EMP2: variants seen among roughly 807,000 people sequenced by gnomAD.
EMP2 encodes the protein epithelial membrane protein 2.
EMP2 carries 19 observed loss-of-function variants against 13.7 expected under a neutral mutation model. The ratio of observed to expected loss-of-function variants is 1.38; its 90% CI spans 0.97 to 2.03. EMP2 has a LOEUF of 2.03. EMP2 is among the 30% of genes most tolerant of loss of function. EMP2 has a pLI of 0.00. For missense variants in EMP2, 253 were observed against 220.7 expected (o/e 1.15, Z -0.93); for synonymous variants, 97 against 84.7 (o/e 1.15, Z -0.80).
chr16:10,557,229 T>C (rs2050836196), intron 1 of EMP2, among the ~76,000 whole-genome samples: 1 of 151,958 alleles, frequency 6.6e-6, no homozygotes, highest in African/African-American at 2.4e-5. Flanking sequence ...CGGTGGCAGA[T>C]GCCTATCGTC....
At chr16:10,568,406 C>T (rs1413598775) in intron 1 of EMP2, among the ~76,000 whole-genome samples, 1 of 152,202 alleles carries the variant, frequency 6.6e-6, no homozygotes, top group Admixed American at 6.5e-5. Flanking sequence ...TGTGTATTCA[C>T]AGGTGCCTCT....
chr16:10,551,974 T>C (rs912118049), intron 1 of EMP2, among the ~76,000 whole-genome samples: 1 of 152,156 alleles, frequency 6.6e-6, no homozygotes, highest in Non-Finnish European at 1.5e-5. Flanking sequence ...CTGGCTGTGA[T>C]TCTGTGCATC....
intron 1 of EMP2, among the ~76,000 whole-genome samples, chr16:10,577,775 C>T (rs2050993826): frequency 6.6e-6 from 1 of 152,118 alleles, no homozygotes; most frequent in South Asian, 2.1e-4. Flanking sequence ...AGATCTGCTC[C>T]CTTAATCCCA....
In EMP2 at chr16:10,538,085, A is replaced by G. The variant is rs2050664104; in HGVS notation, c.170-11T>C. 1.9e-6 allele frequency: 3 copies of G among 1,612,756 alleles called. No individual in the cohort carries two copies. Among genetic ancestry groups the G allele is most frequent in the Non-Finnish European group, 2.5e-6 (3 of 1,179,712 alleles). On this transcript the variant is annotated splice_polypyrimidine_tract_variant and intron_variant, in intron 3 of 4. Coordinates refer to ENST00000359543, the MANE Select transcript of EMP2 (RefSeq NM_001424.6). The stretch of plus-strand genomic sequence containing the variant: ...GCAGCGTGGAGTACTCTGCGGGAAA[A>G]GGGCAGGGGCGCAGGACTGAGGACC...
At chr16:10,540,169 A>G (rs939341506) in intron 3 of EMP2, among the ~76,000 whole-genome samples, 5 of 152,200 alleles carry the variant, frequency 3.3e-5, no homozygotes, top group Admixed American at 3.3e-4. Flanking sequence ...GGGAAACTAC[A>G]CAAATTCACG....
intron 1 of EMP2, among the ~76,000 whole-genome samples, chr16:10,551,499 C>T (rs1213398277): frequency 6.6e-6 from 1 of 152,112 alleles, no homozygotes; most frequent in Non-Finnish European, 1.5e-5. Context: ...CTCTGCCTCC[C>T]GGGTTCAAGC....
intron 1 of EMP2, among the ~76,000 whole-genome samples, chr16:10,564,027 G>C (rs951952667): frequency 6.6e-6 from 1 of 152,228 alleles, no homozygotes; most frequent in African/African-American, 2.4e-5. Flanking sequence ...CAGAGGGACT[G>C]CTCCTTGGGG....
intron 1 of EMP2, among the ~76,000 whole-genome samples, chr16:10,563,014 T>C (rs2050883370): frequency 6.6e-6 from 1 of 152,070 alleles, no homozygotes; most frequent in Non-Finnish European, 1.5e-5. Flanking sequence ...GAGAGTGAGG[T>C]TGATGTGGAT....
rs752713386 is a variant in EMP2 at position 10,531,703 on chromosome 16, G to T, written c.*1202C>A. On this transcript the variant is annotated 3_prime_UTR_variant, in exon 5 of 5. Coordinates refer to ENST00000359543, the MANE Select transcript of EMP2 (RefSeq NM_001424.6). ...CCTAGGAGGAGATTGTCTCTAGAGG[G>T]TATCCCCTGTGCCTGGCACATGCAT... 6.5e-5 allele frequency: 10 copies of T among 152,808 alleles called. No individual in the cohort carries two copies. Among genetic ancestry groups the T allele is most frequent in the Non-Finnish European group, 1.3e-4 (9 of 68,214 alleles). 9.5% of individuals were successfully genotyped at this position (152,808 alleles called of 1,614,324 possible). A position where few individuals can be genotyped will look rare whatever the true frequency, so the allele number is the denominator to read the frequency against.
At chr16:10,574,938 T>C (rs2050972140) in intron 1 of EMP2, among the ~76,000 whole-genome samples, 1 of 151,794 alleles carries the variant, frequency 6.6e-6, no homozygotes, top group Non-Finnish European at 1.5e-5. Context: ...CACTGCATCC[T>C]CAAAGTGGCA....
At chr16:10,543,750 C>T (rs1050114306) in intron 2 of EMP2, 90 bp from the exon 3 acceptor site, 17 of 1,245,896 alleles carry the variant, frequency 1.4e-5, no homozygotes, top group African/African-American at 7.4e-5. Context: ...GGTGGGCTTC[C>T]AGGATTCTCA....
At chr16:10,564,178 G>A (rs1306295545) in intron 1 of EMP2, among the ~76,000 whole-genome samples, 2 of 152,186 alleles carry the variant, frequency 1.3e-5, no homozygotes, top group African/African-American at 4.8e-5. Flanking sequence ...AGTCACTTCT[G>A]TGTGGACATG....
chr16:10,565,096 T>G (rs898517277), intron 1 of EMP2, among the ~76,000 whole-genome samples: 2 of 152,204 alleles, frequency 1.3e-5, no homozygotes, highest in African/African-American at 4.8e-5. Flanking sequence ...TCACTCATGT[T>G]TGGGAAGTTT....
At chr16:10,562,749 A>G (rs936520711) in intron 1 of EMP2, among the ~76,000 whole-genome samples, 1 of 152,240 alleles carries the variant, frequency 6.6e-6, no homozygotes, top group East Asian at 1.9e-4. Context: ...TACAGAAACT[A>G]TGACTCACTG....
At position 10,543,602 on chromosome 16, in the gene EMP2, G is replaced by T. The variant is rs1465762207; in HGVS notation, c.137C>A (p.Thr46Lys). The change falls in exon 3 of 5, where the codon ACG becomes AAG. Residue 46 changes from threonine to lysine, a missense_variant. Physicochemically the swap from Thr to Lys is moderately conservative, Grantham distance 78. Coordinates refer to ENST00000359543, the MANE Select transcript of EMP2 (RefSeq NM_001424.6). ...GCTGTCATTGATGACTGTGCAATTC[G>T]TGTTGTTGGTACATATTCTCCAGAC... The part of the protein sequence containing the change: ...ADVWRICTNN[T>K]NCTVINDSFQ... The T allele has an allele frequency of 1.9e-6, 3 of 1,614,092 alleles. No individual in the cohort carries two copies. In the African/African-American group the frequency reaches 4.0e-5, roughly 22 times the overall value.
At chr16:10,540,449 C>A (rs1006530151) in intron 3 of EMP2, among the ~76,000 whole-genome samples, 3 of 151,814 alleles carry the variant, frequency 2.0e-5, no homozygotes, top group Non-Finnish European at 2.9e-5. Flanking sequence ...GGGACTGCAG[C>A]GAGCAGAGAT....
chr16:10,540,045 G>T (rs892088081), intron 3 of EMP2, among the ~76,000 whole-genome samples: 9 of 152,206 alleles, frequency 5.9e-5, no homozygotes, highest in Non-Finnish European at 1.3e-4. Context: ...CATGGCTTTG[G>T]GGGAAAGGAT....
rs56166648 is a variant in EMP2 at position 10,543,804 on chromosome 16, G to A, written c.79-144C>T. The A allele has an allele frequency of 0.043, 31,846 of 741,542 alleles. 1,570 individuals are homozygous for A. The highest frequency in any genetic ancestry group is 0.2 in the African/African-American group (11,451 of 57,034). 45.9% of individuals were successfully genotyped at this position (741,542 alleles called of 1,614,324 possible). A position where few individuals can be genotyped will look rare whatever the true frequency, so the allele number is the denominator to read the frequency against. On this transcript the variant is annotated intron_variant, in intron 2 of 4. Coordinates refer to ENST00000359543, the MANE Select transcript of EMP2 (RefSeq NM_001424.6). ...AATTGCCTGAGGAGCTTATTCTAAT[G>A]CAGACTGACTCAGGAGGTCTGGGGT... is the stretch of plus-strand genomic sequence containing the variant.
chr16:10,560,905 C>T (rs1011591995), intron 1 of EMP2, among the ~76,000 whole-genome samples: 11 of 152,132 alleles, frequency 7.2e-5, no homozygotes, highest in African/African-American at 2.7e-4. Flanking sequence ...GCCTTGGAGA[C>T]CACACAAAGG....
Sources: allele counts gnomAD v4.1 joint callset (sites outside exome capture counted in the v4.1 genomes callset), GRCh38; gene constraint gnomAD v4.1.1; transcripts MANE v1.5; gene names NCBI Gene and HGNC (gene_info 2026-07-23, HGNC 2026-07-21).